LRRC74A: variants seen among roughly 807,000 people sequenced by gnomAD.
LRRC74A encodes leucine rich repeat containing 74A.
LRRC74A carries 44 observed loss-of-function variants against 57.9 expected under a neutral mutation model. That is an observed-to-expected ratio of 0.76 (90% CI 0.60 to 0.98). The LOEUF is 0.98. Among genes scored for constraint, LRRC74A ranks in the 50% least tolerant of loss-of-function variants. LRRC74A has a pLI of 0.00. For synonymous variants in LRRC74A, 211 were observed against 219.4 expected, an observed-to-expected ratio of 0.96 and a Z score of 0.34; for missense variants, 572 against 574.0, an observed-to-expected ratio of 1.00 and a Z score of 0.04.
chr14:76,832,542 A>C (rs1896043801), intron 3 of LRRC74A, among the ~76,000 whole-genome samples: 1 of 152,212 alleles, frequency 6.6e-6, no homozygotes, highest in African/African-American at 2.4e-5. Flanking sequence ...TCCTGGGCTC[A>C]GGTGATCCAC....
At chr14:76,858,370 A>G (rs1237204320) in intron 10 of LRRC74A, among the ~76,000 whole-genome samples, 1 of 152,148 alleles carries the variant, frequency 6.6e-6, no homozygotes, top group African/African-American at 2.4e-5. Context: ...TCTGCTTCAC[A>G]TGGCATTCTC....
Position 76,855,374 on chromosome 14 carries a change from G to A in LRRC74A, c.957+1964G>A, listed in dbSNP as rs143534108. On this transcript the variant is annotated intron_variant, in intron 9 of 13. Coordinates refer to ENST00000689127, the MANE Select transcript of LRRC74A (RefSeq NM_001385106.1). ...TTTAAAAGATTAAGCAGTTGCCTCA[G>A]CAAAATGGCAATAGAGGTCTTTGCT... Among the ~76,000 whole-genome samples, 297 of 152,352 alleles carry A rather than the reference G, an allele frequency of 1.9e-3. 1 individual carries two copies. Among genetic ancestry groups the A allele is most frequent in the Middle Eastern group, 6.8e-3 (2 of 294 alleles).
At chr14:76,850,173 A>G (rs983632446) in intron 7 of LRRC74A, among the ~76,000 whole-genome samples, 2 of 152,180 alleles carry the variant, frequency 1.3e-5, no homozygotes, top group Non-Finnish European at 2.9e-5. Flanking sequence ...GCGCCACTGC[A>G]CTCCAGCCTG....
chr14:76,864,124 G>A (rs888123386), intron 11 of LRRC74A, among the ~76,000 whole-genome samples: 2 of 152,198 alleles, frequency 1.3e-5, no homozygotes, highest in Non-Finnish European at 2.9e-5. Flanking sequence ...CTGCCATAGC[G>A]CTCAGCAGCA....
At chr14:76,843,575 A>G (rs1038155189) in intron 5 of LRRC74A, among the ~76,000 whole-genome samples, 1 of 152,206 alleles carries the variant, frequency 6.6e-6, no homozygotes, top group African/African-American at 2.4e-5. Flanking sequence ...AACTCCTGGA[A>G]GTTCATGGCA....
chr14:76,838,107 T>C, intron 5 of LRRC74A, 136 bp downstream of exon 5: 4 of 585,054 alleles, frequency 6.8e-6, no homozygotes, highest in Non-Finnish European at 1.2e-5. Context: ...CATCTATGCC[T>C]GCTAAACCCT....
chr14:76,851,524 AT>A, intron 7 of LRRC74A, among the ~76,000 whole-genome samples: 1 of 151,454 alleles, frequency 6.6e-6, no homozygotes, highest in East Asian at 1.9e-4. Context: ...CACCCAGTGA[AT>A]TTTTGTATTT....
intron 5 of LRRC74A, among the ~76,000 whole-genome samples, chr14:76,841,738 A>C (rs1418298469): frequency 2.3e-5 from 3 of 128,564 alleles, no homozygotes; most frequent in African/African-American, 8.9e-5. Context: ...TTTTAGAAGG[A>C]GTTTCACTCT....
At chr14:76,864,240 A>G (rs1386055194) in intron 11 of LRRC74A, among the ~76,000 whole-genome samples, 1 of 152,012 alleles carries the variant, frequency 6.6e-6, no homozygotes, top group African/African-American at 2.4e-5. Flanking sequence ...TAGCTTTGGG[A>G]GGCACTCCGG....
intron 3 of LRRC74A, among the ~76,000 whole-genome samples, chr14:76,833,822 T>C (rs1435423499): frequency 6.6e-6 from 1 of 152,230 alleles, no homozygotes; most frequent in East Asian, 1.9e-4. Flanking sequence ...TTGTGCCTAA[T>C]TTGTGAATTA....
At chr14:76,827,641 A>AAT (rs1169879073) in intron 1 of LRRC74A, among the ~76,000 whole-genome samples, 1 of 152,138 alleles carries the variant, frequency 6.6e-6, no homozygotes, top group Admixed American at 6.5e-5. Flanking sequence ...CCCAGCAATG[A>AAT]ATATGATTAA....
At chr14:76,866,640 C>G (rs1035980279) in intron 12 of LRRC74A, among the ~76,000 whole-genome samples, 1 of 151,928 alleles carries the variant, frequency 6.6e-6, no homozygotes, top group Non-Finnish European at 1.5e-5. Flanking sequence ...GTGCCCAGGC[C>G]GGGGGTGAAG....
intron 2 of LRRC74A, chr14:76,829,270 AG>A (rs1895806653): frequency 9.3e-7 from 1 of 1,071,976 alleles, no homozygotes; most frequent in African/African-American, 1.6e-5. Context: ...AGATGGAGGA[AG>A]GCCAGTTCTG....
chr14:76,856,757 T>G (rs1385290049), intron 9 of LRRC74A, among the ~76,000 whole-genome samples: 1 of 148,966 alleles, frequency 6.7e-6, no homozygotes, highest in Non-Finnish European at 1.5e-5. Context: ...AGTGGATGGA[T>G]GGATGGATGG....
At chr14:76,843,480 T>G (rs1325888292) in intron 5 of LRRC74A, among the ~76,000 whole-genome samples, 3 of 152,064 alleles carry the variant, frequency 2.0e-5, no homozygotes, top group Non-Finnish European at 4.4e-5. Context: ...CTGCTTGAAC[T>G]TGGATGAGCA....
rs200575556 is a variant in LRRC74A, at chr14:76,831,344, G to A, written c.308G>A (p.Arg103Lys). 29 of 1,613,758 alleles carry A rather than the reference G, an allele frequency of 1.8e-5. No individual in the cohort carries two copies. The African/African-American group carries it at 3.9e-4, about 22-fold the overall frequency. ...CTCAACCACCACGGCCTGGGCCCCA[G>A]GGGTACCAAGGCTATTGCTATAGCC... ...VNLNHHGLGPRGTKAIAIALV... is the reference protein window; with the variant it reads ...VNLNHHGLGPKGTKAIAIALV... Residue 103 changes from arginine (R) to lysine (K), a missense_variant, in exon 3 of 14, where the codon AGG (arginine) becomes AAG (lysine). Coordinates refer to ENST00000689127, the MANE Select transcript of LRRC74A (RefSeq NM_001385106.1).
At chr14:76,856,741 T>A (rs1440470763) in intron 9 of LRRC74A, among the ~76,000 whole-genome samples, 1 of 149,816 alleles carries the variant, frequency 6.7e-6, no homozygotes, top group African/African-American at 2.5e-5. Context: ...GTGAGATGGA[T>A]AAGTGAGTGG....
chr14:76,849,154 C>A (rs1026131044), intron 7 of LRRC74A, among the ~76,000 whole-genome samples: 2 of 151,998 alleles, frequency 1.3e-5, no homozygotes, highest in African/African-American at 4.8e-5. Flanking sequence ...TGTGCTCTCT[C>A]TTTTGTTTTG....
At chr14:76,866,244 A>G (rs879507563) in intron 12 of LRRC74A, among the ~76,000 whole-genome samples, 169 bp downstream of exon 12, 2 of 152,092 alleles carry the variant, frequency 1.3e-5, no homozygotes, top group Admixed American at 1.3e-4. Flanking sequence ...CCAGAGGGGA[A>G]CCTAAGACCT....
Sources: allele counts gnomAD v4.1 joint callset (sites outside exome capture counted in the v4.1 genomes callset), GRCh38; gene constraint gnomAD v4.1.1; transcripts MANE v1.5; gene names NCBI Gene and HGNC (gene_info 2026-07-23, HGNC 2026-07-21).